ESR1: variants seen among roughly 807,000 people sequenced by gnomAD.
The protein encoded by ESR1 is estrogen receptor.
In ESR1, 12 loss-of-function variants were observed where a neutral mutation model predicts 52.7. That is an observed-to-expected ratio of 0.23 (90% confidence interval 0.15 to 0.37). The LOEUF is 0.37. Ranked by LOEUF, ESR1 falls within the 10% of genes least tolerant of loss-of-function variation. ESR1 has a pLI of 1.00. For missense variants in ESR1, 584 were observed against 779.7 expected, an observed-to-expected ratio of 0.75 and a Z score of 2.99; for synonymous variants, 305 against 316.8, an observed-to-expected ratio of 0.96 and a Z score of 0.39.
intron 2 of ESR1, among the ~76,000 whole-genome samples, chr6:151,868,201 C>G (rs911456904): frequency 1.3e-5 from 2 of 152,070 alleles, no homozygotes; most frequent in Non-Finnish European, 2.9e-5. Flanking sequence ...GATCTCGGCT[C>G]AATGCAACCT....
chr6:152,031,450 A>C (rs9478267), intron 5 of ESR1, among the ~76,000 whole-genome samples: 45 of 152,344 alleles, frequency 3.0e-4, no homozygotes, highest in African/African-American at 1.0e-3. Flanking sequence ...AAAATGATAA[A>C]GGGGATATCA....
chr6:151,956,842 A>AT (rs1491359323), intron 4 of ESR1, among the ~76,000 whole-genome samples: 1,129 of 20,734 alleles, frequency 0.054, 19 homozygotes, highest in African/African-American at 0.097. Flanking sequence ...AAATATAAAT[A>AT]AATATATATA....
At chr6:151,906,981 T>C (rs1317855868) in intron 3 of ESR1, among the ~76,000 whole-genome samples, 2 of 151,904 alleles carry the variant, frequency 1.3e-5, no homozygotes, top group East Asian at 3.9e-4. Context: ...AATAACCAAA[T>C]TGTCCCAGAG....
chr6:151,720,606 C>G (rs1290427204), intron 2 of ESR1, among the ~76,000 whole-genome samples: 47 of 152,068 alleles, frequency 3.1e-4, no homozygotes. Context: ...CCAATTTTTC[C>G]AAGCTTTTTG....
intron 6 of ESR1, among the ~76,000 whole-genome samples, chr6:152,112,396 T>G (rs1411147006): frequency 6.6e-6 from 1 of 152,024 alleles, no homozygotes; most frequent in Non-Finnish European, 1.5e-5. Flanking sequence ...GACTAGTGAG[T>G]TCCTCCTTTC....
intron 4 of ESR1, among the ~76,000 whole-genome samples, chr6:151,967,419 G>A (rs1251090483): frequency 6.6e-6 from 1 of 152,116 alleles, no homozygotes; most frequent in African/African-American, 2.4e-5. Flanking sequence ...CCCCTTATGA[G>A]TGAGAACATG....
chr6:151,897,133 GATGAATAGA>G (rs1293206512), intron 3 of ESR1, among the ~76,000 whole-genome samples: 1 of 152,180 alleles, frequency 6.6e-6, no homozygotes, highest in African/African-American at 2.4e-5. Context: ...TGCATACGCT[GATGAATAGA>G]ATGTATATTC....
intron 4 of ESR1, among the ~76,000 whole-genome samples, chr6:151,953,548 C>T (rs963897250): frequency 2.0e-5 from 3 of 152,066 alleles, no homozygotes; most frequent in Non-Finnish European, 4.4e-5. Flanking sequence ...TGGTGAAACC[C>T]TGTCTCTACT....
chr6:152,038,647 T>TA (rs2045523345), intron 5 of ESR1, among the ~76,000 whole-genome samples: 1 of 151,974 alleles, frequency 6.6e-6, no homozygotes, highest in Admixed American at 6.6e-5. Context: ...TTTTTTTTTT[T>TA]AAAAGATGGA....
At chr6:151,694,428 G>C (rs537544420) in intron 1 of ESR1, among the ~76,000 whole-genome samples, 1 of 152,172 alleles carries the variant, frequency 6.6e-6, no homozygotes, top group Non-Finnish European at 1.5e-5. Flanking sequence ...AAGTTTTGTG[G>C]CTCTTCATGA....
intron 4 of ESR1, among the ~76,000 whole-genome samples, chr6:151,969,734 T>C (rs1046548750): frequency 2.0e-5 from 3 of 152,186 alleles, no homozygotes; most frequent in African/African-American, 7.2e-5. Flanking sequence ...CCTGTTTCCA[T>C]TGTGAGCATA....
At chr6:152,000,573 G>A (rs2041868146) in intron 4 of ESR1, among the ~76,000 whole-genome samples, 1 of 151,842 alleles carries the variant, frequency 6.6e-6, no homozygotes, top group Admixed American at 6.6e-5. Flanking sequence ...GATTTCCTGA[G>A]ATAAGTCAAT....
intron 3 of ESR1, among the ~76,000 whole-genome samples, chr6:151,886,567 A>G (rs1793884151): frequency 6.6e-6 from 1 of 152,240 alleles, no homozygotes. Context: ...GGAAATATAC[A>G]TGTGTCCAGA....
chr6:151,734,624 T>C (rs1243366614), intron 2 of ESR1, among the ~76,000 whole-genome samples: 3 of 148,046 alleles, frequency 2.0e-5, no homozygotes, highest in African/African-American at 7.6e-5. Context: ...AAAGCTAACC[T>C]TTTTTTTTTC....
chr6:151,706,549 C>T (rs747840478), intron 2 of ESR1, among the ~76,000 whole-genome samples: 11 of 152,056 alleles, frequency 7.2e-5, no homozygotes, highest in South Asian at 2.1e-4. Context: ...ACCTTGTTGG[C>T]GGGTCAGGTC....
intron 4 of ESR1, among the ~76,000 whole-genome samples, chr6:151,965,300 A>G (rs942554228): frequency 1.3e-5 from 2 of 152,202 alleles, no homozygotes; most frequent in Non-Finnish European, 1.5e-5. Flanking sequence ...TGTTACATAC[A>G]TATGTGTATA....
intron 4 of ESR1, among the ~76,000 whole-genome samples, chr6:151,977,797 A>T (rs528657500): frequency 1.3e-5 from 2 of 151,940 alleles, no homozygotes; most frequent in African/African-American, 2.4e-5. Context: ...ACCATCTCAA[A>T]AATAATAATA....
chr6:152,081,952 A>G lies in ESR1; in HGVS notation c.1370-12433A>G, dbSNP rs141838724. Among the ~76,000 whole-genome samples the G allele has an allele frequency of 3.1e-3, 475 of 152,272 alleles. 1 individual carries two copies. Among genetic ancestry groups the G allele is most frequent in the African/African-American group, 0.011 (455 of 41,576 alleles). On this transcript the variant is annotated intron_variant, in intron 6 of 7. Coordinates refer to ENST00000206249, the MANE Select transcript of ESR1 (RefSeq NM_000125.4). ...AGAAGTTGAATCTCTGAAGACACCA[A>G]TAACAGGTACTGAACCAAGGTTTGG...
chr6:151,784,166 CAGCTCACAATGAAGG>C (rs1786802970), intron 2 of ESR1, among the ~76,000 whole-genome samples: 1 of 152,314 alleles, frequency 6.6e-6, no homozygotes, highest in South Asian at 2.1e-4. Flanking sequence ...TCACTCTGCA[CAGCTCACAATGAAGG>C]AGTGGGGAGC....
Sources: allele counts gnomAD v4.1 joint callset (sites outside exome capture counted in the v4.1 genomes callset), GRCh38; gene constraint gnomAD v4.1.1; transcripts MANE v1.5; gene names NCBI Gene and HGNC (gene_info 2026-07-23, HGNC 2026-07-21).